Variants in CNTNAP3B observed in about 807,000 individuals in gnomAD.
CNTNAP3B encodes contactin-associated protein-like 3B.
A neutral mutation model predicts 108.9 loss-of-function variants in CNTNAP3B; 25 were observed. That is an observed-to-expected ratio of 0.23 (90% confidence interval 0.17 to 0.32). The LOEUF (loss-of-function observed/expected upper bound fraction) is 0.32. Ranked by LOEUF, CNTNAP3B falls within the 10% of genes least tolerant of loss-of-function variation. The pLI, the probability that CNTNAP3B is intolerant of heterozygous loss-of-function variation, is 1.00. For synonymous variants in CNTNAP3B, 103 were observed against 473.4 expected (o/e 0.22, Z 10.16); for missense variants, 252 against 1,210.4 (o/e 0.21, Z 11.75).
intron 14 of CNTNAP3B, among the ~76,000 whole-genome samples, chr9:41,934,241 C>CA (rs1824083616): frequency 7.8e-6 from 1 of 127,628 alleles, no homozygotes; most frequent in African/African-American, 3.0e-5. Flanking sequence ...TTTTTTGAGA[C>CA]AGAGTCTTGG....
chr9:41,952,084 A>G (rs1824705394), intron 13 of CNTNAP3B, among the ~76,000 whole-genome samples: 1 of 152,240 alleles, frequency 6.6e-6, no homozygotes, highest in African/African-American at 2.4e-5. Flanking sequence ...CAGGCAGAGG[A>G]AATGGTCTGG....
intron 2 of CNTNAP3B, among the ~76,000 whole-genome samples, chr9:42,086,517 T>A (rs1436707959): frequency 2.9e-5 from 4 of 135,602 alleles, no homozygotes; most frequent in Non-Finnish European, 4.7e-5. Context: ...CAATCTCAGC[T>A]CACTGCAACC....
intron 18 of CNTNAP3B, among the ~76,000 whole-genome samples, chr9:41,918,402 G>A (rs1281958051): frequency 6.8e-6 from 1 of 146,580 alleles, no homozygotes; most frequent in African/African-American, 2.6e-5. Context: ...TTTATGAAAG[G>A]TTGATATTTT....
chr9:41,945,688 C>A (rs544483058), intron 13 of CNTNAP3B, among the ~76,000 whole-genome samples: 4 of 152,422 alleles, frequency 2.6e-5, no homozygotes, highest in East Asian at 3.9e-4. Flanking sequence ...ATGGGTGCAG[C>A]ACACCATTAA....
At chr9:41,944,822 G>A (rs1329163263) in intron 13 of CNTNAP3B, among the ~76,000 whole-genome samples, 95 of 152,378 alleles carry the variant, frequency 6.2e-4, no homozygotes, top group East Asian at 2.1e-3. Flanking sequence ...TACCATCAGA[G>A]TGAACAGGCA....
At chr9:41,926,976 A>G (rs1263052069) in intron 15 of CNTNAP3B, among the ~76,000 whole-genome samples, 2 of 152,312 alleles carry the variant, frequency 1.3e-5, no homozygotes, top group African/African-American at 4.8e-5. Context: ...AAAAGCTACA[A>G]ATTTCCAGGG....
At chr9:41,969,006 C>T (rs1470914164) in intron 10 of CNTNAP3B, among the ~76,000 whole-genome samples, 5 of 152,394 alleles carry the variant, frequency 3.3e-5, no homozygotes, top group East Asian at 3.9e-4. Context: ...CCATGTTAGC[C>T]AGGATGGTCT....
chr9:41,965,742 T>C (rs1294812193), intron 10 of CNTNAP3B, among the ~76,000 whole-genome samples: 6 of 152,062 alleles, frequency 3.9e-5, no homozygotes, highest in Non-Finnish European at 7.3e-5. Flanking sequence ...GGCTGGGAGG[T>C]TGTGACAGGC....
chr9:41,991,139 A>G (rs1335597629), intron 8 of CNTNAP3B, among the ~76,000 whole-genome samples: 1 of 123,842 alleles, frequency 8.1e-6, no homozygotes, highest in Non-Finnish European at 1.7e-5. Context: ...CGAAAGAATA[A>G]GAACTCTTGG....
At chr9:41,995,730 C>CAAAA (rs1167589988) in intron 7 of CNTNAP3B, among the ~76,000 whole-genome samples, 1 of 66,400 alleles carries the variant, frequency 1.5e-5, no homozygotes, top group Non-Finnish European at 2.7e-5. Context: ...GACTCCGTCT[C>CAAAA]AAAAAAAAAA....
At chr9:41,951,119 G>A (rs1252425578) in intron 13 of CNTNAP3B, among the ~76,000 whole-genome samples, 1 of 135,564 alleles carries the variant, frequency 7.4e-6, no homozygotes, top group African/African-American at 2.8e-5. Context: ...TCAAGATTCC[G>A]GCTGTGATAT....
intron 14 of CNTNAP3B, among the ~76,000 whole-genome samples, chr9:41,929,881 T>C: frequency 6.6e-6 from 1 of 152,066 alleles, no homozygotes; most frequent in South Asian, 2.1e-4. Context: ...GGTCTGGATT[T>C]CACCCAAAGC....
intron 14 of CNTNAP3B, among the ~76,000 whole-genome samples, chr9:41,934,176 T>TACACACACACACATATATATACAC (rs1359407592): frequency 4.7e-5 from 5 of 106,080 alleles, no homozygotes; most frequent in Non-Finnish European, 3.7e-5. Context: ...CACATATATA[T>TACACACACACACATATATATACAC]ACACACACAC....
In CNTNAP3B at chr9:41,940,683, C is replaced by T. The variant is rs1258341537; in HGVS notation, c.2081-2283G>A. On this transcript the variant is annotated intron_variant, in intron 13 of 23. Coordinates refer to ENST00000377561, the MANE Select transcript of CNTNAP3B (RefSeq NM_001201380.3). ...TACAAAAAATAGACGAGCGTAGCGG[C>T]GGGAGCCTGTAGTCCCAGCTACTCA... Among the ~76,000 whole-genome samples, 6 of 152,228 alleles carry T rather than the reference C, an allele frequency of 3.9e-5. No homozygotes were observed. In the East Asian group the frequency reaches 5.8e-4, roughly 15 times the overall value.
chr9:41,957,631 C>A (rs1824901881), intron 12 of CNTNAP3B, among the ~76,000 whole-genome samples: 1 of 150,772 alleles, frequency 6.6e-6, no homozygotes, highest in Admixed American at 6.6e-5. Context: ...CATTGTTCAT[C>A]TGGTCTTGCA....
At chr9:41,967,715 T>A (rs1282669259) in intron 10 of CNTNAP3B, among the ~76,000 whole-genome samples, 1 of 152,292 alleles carries the variant, frequency 6.6e-6, no homozygotes. Flanking sequence ...CCCAAAGTTT[T>A]CTAATTTTAT....
At position 42,036,470 on chromosome 9, in the gene CNTNAP3B, G is replaced by A. The variant is rs987229729; in HGVS notation, c.391-22945C>T. Among the ~76,000 whole-genome samples the A allele has an allele frequency of 2.2e-5, 3 of 138,144 alleles. 1 individual carries two copies. 90.6% of individuals were successfully genotyped at this position (138,144 alleles called of 152,430 possible). A position where few individuals can be genotyped will look rare whatever the true frequency, so the allele number is the denominator to read the frequency against. ...GGTCTCACTAATACTTTTTAAGATC[G>A]AACTGCAAGGCAGCAGCGAGACTAG... On this transcript the variant is annotated intron_variant, in intron 3 of 23. Coordinates refer to ENST00000377561, the MANE Select transcript of CNTNAP3B (RefSeq NM_001201380.3).
At position 41,953,233 on chromosome 9, in the gene CNTNAP3B, T is replaced by G; in HGVS notation, c.2030A>C (p.Glu677Ala). Reference protein sequence around the residue: ...RAAVNLAERCEQRLALRCGTA... With the variant: ...RAAVNLAERCAQRLALRCGTA... The stretch of plus-strand genomic sequence containing the variant: ...CCCGCAGCGCAGAGCCAGCCGCTGC[T>G]CGCAGCGCTCCGCCAGGTTCACCGC... Residue 677 changes from glutamate (E) to alanine (A), a missense_variant, in exon 13 of 24, where the codon GAG becomes GCG. Glu to Ala is a moderately radical substitution (Grantham distance 107). Transcript: ENST00000377561. The G allele has an allele frequency of 6.5e-7, 1 of 1,528,758 alleles. No individual in the cohort carries two copies. The highest frequency in any genetic ancestry group is 1.2e-5 in the South Asian group (1 of 83,498). The allele number at this position is 1,528,758 out of a possible 1,614,324, so 94.7% of individuals were successfully genotyped here.
intron 4 of CNTNAP3B, among the ~76,000 whole-genome samples, chr9:42,002,698 G>T (rs1284136515): frequency 8.7e-6 from 1 of 115,028 alleles, no homozygotes; most frequent in Admixed American, 8.9e-5. Context: ...CCTGAAATAT[G>T]ATTGTTTCTG....
Sources: gnomAD v4.1 joint callset for allele counts (sites outside exome capture counted in the v4.1 genomes callset) on GRCh38, gnomAD v4.1.1 for gene constraint, MANE v1.5 for transcripts, NCBI Gene and HGNC (gene_info 2026-07-23, HGNC 2026-07-21) for gene names.